The following PZP variants were observed in gnomAD, a reference collection of about 807,000 sequenced individuals.
The protein encoded by PZP is PZP alpha-2-macroglobulin like, also known as pregnancy zone protein.
PZP carries 150 observed loss-of-function variants against 179.8 expected under a neutral mutation model. That is an observed-to-expected ratio of 0.83 (90% CI 0.73 to 0.96). The LOEUF (loss-of-function observed/expected upper bound fraction) is 0.96. Among genes scored for constraint, PZP ranks in the 40% least tolerant of loss-of-function variants. The pLI is 0.00. For synonymous variants in PZP, 624 were observed against 652.3 expected (o/e 0.96, Z 0.66); for missense variants, 1,689 against 1,764.0 (o/e 0.96, Z 0.76).
At chr12:9,172,169 G>A (rs1235050122) in intron 15 of PZP, among the ~76,000 whole-genome samples, 2 of 152,180 alleles carry the variant, frequency 1.3e-5, no homozygotes, top group Non-Finnish European at 2.9e-5. Flanking sequence ...GAAGCCAGAA[G>A]AAATTGGGGG....
intron 33 of PZP, 61 bp downstream of exon 33, chr12:9,151,543 A>C (rs1940354305): frequency 7.3e-7 from 1 of 1,375,044 alleles, no homozygotes; most frequent in Admixed American, 1.8e-5. Context: ...TATTCTAGTA[A>C]AGAGACTCAC....
Position 9,194,070 on chromosome 12 carries a change from T to C in PZP, c.1254+7A>G, listed in dbSNP as rs1404948187. 6.2e-7 allele frequency: 1 copy of C among 1,611,110 alleles called. No homozygotes were observed. ...TTGTCCTCAGAGATTTGTCTTTCTATACTTACCCGGACAAAAAGTTTATTA... is the reference window on the plus strand; with the variant it reads ...TTGTCCTCAGAGATTTGTCTTTCTACACTTACCCGGACAAAAAGTTTATTA... On this transcript the variant is annotated splice_region_variant and intron_variant, in intron 11 of 35. Transcript: ENST00000261336.
intron 7 of PZP, among the ~76,000 whole-genome samples, chr12:9,199,873 G>T (rs1247080215): frequency 6.6e-6 from 1 of 152,114 alleles, no homozygotes; most frequent in African/African-American, 2.4e-5. Context: ...GTTGTAGAGA[G>T]TTTGGAAAAA....
chr12:9,164,372 AT>A, intron 19 of PZP, 113 bp from the exon 20 acceptor site: 1 of 1,156,844 alleles, frequency 8.6e-7, no homozygotes. Flanking sequence ...TGTAAGAAAA[AT>A]GTATGTCACA....
At chr12:9,139,672 T>G in the PZP span, among the ~76,000 whole-genome samples, 1 of 152,234 alleles carries the variant, frequency 6.6e-6, no homozygotes, top group Non-Finnish European at 1.5e-5. Context: ...CCTTTTATCA[T>G]TATAAAATTT....
At chr12:9,187,486 G>A (rs775649189) in intron 13 of PZP, among the ~76,000 whole-genome samples, 2 of 151,978 alleles carry the variant, frequency 1.3e-5, no homozygotes, top group Admixed American at 6.6e-5. Context: ...CCACACTCTC[G>A]GACTACCATG....
intron 18 of PZP, 65 bp downstream of exon 18, chr12:9,165,987 T>G (rs201168707): frequency 3.3e-6 from 5 of 1,525,224 alleles, no homozygotes; most frequent in Middle Eastern, 1.8e-4. Context: ...TGTCTTAGAA[T>G]TGAAAATGTT....
intron 13 of PZP, among the ~76,000 whole-genome samples, chr12:9,190,941 G>T (rs1943424826): frequency 6.6e-6 from 1 of 152,086 alleles, no homozygotes; most frequent in Non-Finnish European, 1.5e-5. Context: ...AAGTGCTTTT[G>T]ATAATTCTTT....
At chr12:9,149,869 T>C (rs1027510611) in intron 34 of PZP, among the ~76,000 whole-genome samples, 1 of 152,210 alleles carries the variant, frequency 6.6e-6, no homozygotes, top group Non-Finnish European at 1.5e-5. Flanking sequence ...CACTAACCTG[T>C]AGTTCTCTCT....
chr12:9,202,514 T>C lies in PZP; in HGVS notation c.427+11A>G, dbSNP rs1379810012. 6.2e-7 allele frequency: 1 copy of C among 1,613,708 alleles called. No individual in the cohort carries two copies. Among genetic ancestry groups the C allele is most frequent in the Non-Finnish European group, 8.5e-7 (1 of 1,179,904 alleles). On this transcript the variant is annotated intron_variant, in intron 3 of 35. Transcript: ENST00000261336. ...CAGTGTTGCCCCAAACAGTGGAATT[T>C]CCCTACTTACCTGTCTGTCCTGGTT...
intron 5 of PZP, 83 bp downstream of exon 5, chr12:9,201,244 G>T: frequency 7.4e-7 from 1 of 1,345,104 alleles, no homozygotes; most frequent in Non-Finnish European, 1.0e-6. Flanking sequence ...TTTTAAAGTA[G>T]TTCATCTGTC....
chr12:9,187,069 A>C (rs1480350785), intron 13 of PZP, among the ~76,000 whole-genome samples: 1 of 100,248 alleles, frequency 1.0e-5, no homozygotes, highest in Non-Finnish European at 2.1e-5. Flanking sequence ...CTTTAAACCA[A>C]GAAAGGTCAA....
rs1408820093 is a variant in PZP at position 9,182,010 on chromosome 12, CAG to C, written c.1652_1653del (p.Ser551Ter). 1.9e-6 allele frequency: 3 copies of C among 1,613,816 alleles called. No homozygotes were observed. The highest frequency in any genetic ancestry group is 4.5e-5 in the East Asian group (2 of 44,864). On this transcript the variant is annotated frameshift_variant, in exon 14 of 36. Coordinates refer to ENST00000261336, the MANE Select transcript of PZP (RefSeq NM_002864.3). LOFTEE classifies it high-confidence loss of function. ...AGACAGTTTTCAATCTCAAATTTTT[CAG>C]AGTCTCCAACAACTTCTCCATCTGG... Reference protein sequence around the residue: ...ILPDGEVVGDSEKFEIENCLA... With the variant: ...ILPDGEVVGDXEKFEIENCLA...
At chr12:9,193,028 C>T (rs974323688) in intron 11 of PZP, among the ~76,000 whole-genome samples, 1 of 152,148 alleles carries the variant, frequency 6.6e-6, no homozygotes, top group Non-Finnish European at 1.5e-5. Flanking sequence ...TGATAAATAA[C>T]TCAAACAAGT....
At chr12:9,159,673 C>T (rs1363049360) in intron 25 of PZP, among the ~76,000 whole-genome samples, 2 of 151,658 alleles carry the variant, frequency 1.3e-5, no homozygotes, top group Non-Finnish European at 2.9e-5. Context: ...CCCAAGTGAG[C>T]CCATTCAATC....
chr12:9,166,199 C>T lies in PZP; in HGVS notation c.2111G>A (p.Gly704Asp), dbSNP rs2120754867. The change falls in exon 18 of 36, where the codon GGT (glycine) becomes GAT (aspartate). Residue 704 changes from glycine (G) to aspartate (D), a missense_variant. Physicochemically the swap from Gly to Asp is moderately conservative, Grantham distance 94. This residue lies in a region of PZP where 201 missense variants were observed against 284.2 expected (regional missense o/e 0.71). Transcript: ENST00000261336. ...GAVGQGYYGA[G>D]LGVVERPYVP... is the part of the protein sequence containing the mutation. ...ATATGGTCTCTCTACTACTCCTAGA[C>T]CTGCTAAAGTAAGAGAAAATTGTCT... The T allele has an allele frequency of 1.2e-6, 2 of 1,609,644 alleles. No homozygotes were observed. The highest frequency in any genetic ancestry group is 1.7e-4 in the Middle Eastern group (1 of 6,054).
rs1198650960 is a variant in PZP, at chr12:9,165,189, C to G, written c.2437G>C (p.Val813Leu). The change falls in exon 19 of 36, where the codon GTC becomes CTC. Residue 813 changes from valine (V) to leucine (L), a missense_variant. Val to Leu is a conservative substitution (Grantham distance 32). This residue lies in a region of PZP where 201 missense variants were observed against 284.2 expected (regional missense o/e 0.71). Transcript: ENST00000261336. ...TMPYSVIRGE[V>L]FTLKATVLNY... The stretch of plus-strand genomic sequence containing the variant: ...AGGACCGTGGCCTTGAGTGTGAAGA[C>G]CTCTCCACGAATCACAGAGTAAGGC... 8 of 1,614,010 alleles carry G rather than the reference C, an allele frequency of 5.0e-6. No homozygotes were observed. The highest frequency in any genetic ancestry group is 1.7e-5 in the Admixed American group (1 of 60,008).
chr12:9,185,008 A>T (rs1348252310), intron 13 of PZP, among the ~76,000 whole-genome samples: 2 of 152,214 alleles, frequency 1.3e-5, no homozygotes, highest in East Asian at 3.8e-4. Flanking sequence ...CTGACAACTC[A>T]AAGAGCCAGA....
At chr12:9,199,824 T>A (rs1254699324) in intron 7 of PZP, among the ~76,000 whole-genome samples, 1 of 152,208 alleles carries the variant, frequency 6.6e-6, no homozygotes, top group Admixed American at 6.5e-5. Flanking sequence ...AATTGTGTTT[T>A]ACTTCTCTGT....
Sources: allele counts gnomAD v4.1 joint callset (sites outside exome capture counted in the v4.1 genomes callset), GRCh38; gene constraint gnomAD v4.1.1; regional missense constraint gnomAD v4.1.1; transcripts MANE v1.5; gene names NCBI Gene and HGNC (gene_info 2026-07-23, HGNC 2026-07-21).